CEPT1: variants seen among roughly 807,000 people sequenced by gnomAD.
CEPT1 encodes choline/ethanolaminephosphotransferase 1.
Under a neutral mutation model 42.6 loss-of-function variants are expected in CEPT1, and 7 were observed. The ratio of observed to expected loss-of-function variants is 0.16; its 90% CI spans 0.09 to 0.31. The LOEUF is 0.31. Among genes scored for constraint, CEPT1 ranks in the 10% least tolerant of loss-of-function variants. CEPT1 has a pLI of 1.00. For synonymous variants in CEPT1, 171 were observed against 171.9 expected, an observed-to-expected ratio of 0.99 and a Z score of 0.04; for missense variants, 306 against 502.1, an observed-to-expected ratio of 0.61 and a Z score of 3.73.
chr1:111,183,682 T>C (rs1266767780), intron 8 of CEPT1, 95 bp downstream of exon 8: 2 of 1,238,430 alleles, frequency 1.6e-6, no homozygotes, highest in Non-Finnish European at 1.1e-6. Context: ...ATCGTTCATA[T>C]AATTGTAATG....
chr1:111,155,985 A>G (rs1190839846), intron 2 of CEPT1, among the ~76,000 whole-genome samples: 1 of 151,932 alleles, frequency 6.6e-6, no homozygotes, highest in Non-Finnish European at 1.5e-5. Flanking sequence ...TTTGAGGTGC[A>G]TTATTACGTT....
At chr1:111,150,119 A>G (rs1254880225) in intron 2 of CEPT1, among the ~76,000 whole-genome samples, 1 of 152,204 alleles carries the variant, frequency 6.6e-6, no homozygotes, top group Non-Finnish European at 1.5e-5. Flanking sequence ...TACAATGGAG[A>G]TGCCTGGATG....
rs578230127 is a variant in CEPT1 at position 111,182,657 on chromosome 1, T to C, written c.847-142T>C. 242 of 724,760 alleles carry C rather than the reference T, an allele frequency of 3.3e-4. 1 individual carries two copies. The highest frequency in any genetic ancestry group is 2.8e-3 in the African/African-American group (154 of 55,206). The allele number at this position is 724,760 out of a possible 1,614,324, so 44.9% of individuals were successfully genotyped here. A position where few individuals can be genotyped will look rare whatever the true frequency, so the allele number is the denominator to read the frequency against. On this transcript the variant is annotated intron_variant, in intron 6 of 8. Coordinates refer to ENST00000357172, the MANE Select transcript of CEPT1 (RefSeq NM_006090.5). ...GCTACTTTTCATTAGCTCTTCTAGT[T>C]TGTGATTTATAGAAATTGCTGCCTA...
chr1:111,163,543 C>CA (rs1191108493), intron 4 of CEPT1, among the ~76,000 whole-genome samples: 2 of 151,668 alleles, frequency 1.3e-5, no homozygotes, highest in African/African-American at 4.8e-5. Context: ...ATAGAGGTTG[C>CA]AGTGAGCTGA....
intron 4 of CEPT1, among the ~76,000 whole-genome samples, chr1:111,169,774 C>T (rs1656330707): frequency 6.6e-6 from 1 of 152,134 alleles, no homozygotes; most frequent in Non-Finnish European, 1.5e-5. Flanking sequence ...GATTTATTAG[C>T]ATGTAAACTA....
At chr1:111,167,550 G>A (rs1057453967) in intron 4 of CEPT1, 3 of 932,728 alleles carry the variant, frequency 3.2e-6, no homozygotes, top group African/African-American at 3.6e-5. Context: ...AAAGCAAGCA[G>A]AGTTTTTCTT....
At position 111,184,414 on chromosome 1, in the gene CEPT1, A is replaced by G. The variant is rs935859506; in HGVS notation, c.*104A>G. ...GAACAAATATAATTTATAATAATCA[A>G]TGTTGTATAACTTTTATTCTTTATT... On this transcript the variant is annotated 3_prime_UTR_variant, in exon 9 of 9. Coordinates refer to ENST00000357172, the MANE Select transcript of CEPT1 (RefSeq NM_006090.5). The G allele has an allele frequency of 3.5e-5, 30 of 860,644 alleles. No individual in the cohort carries two copies. The African/African-American group carries it at 3.7e-4, about 11-fold the overall frequency. 53.3% of individuals were successfully genotyped at this position (860,644 alleles called of 1,614,324 possible).
chr1:111,184,060 T>C, intron 8 of CEPT1, 131 bp from the exon 9 acceptor site: 1 of 963,646 alleles, frequency 1.0e-6, no homozygotes, highest in Non-Finnish European at 1.6e-6. Context: ...GAAGGAAAGA[T>C]TGCAAGGAAA....
intron 1 of CEPT1, among the ~76,000 whole-genome samples, chr1:111,144,528 A>G (rs1181784092): frequency 2.0e-5 from 3 of 152,236 alleles, no homozygotes; most frequent in Non-Finnish European, 4.4e-5. Flanking sequence ...TAGAAGGTTA[A>G]AAAACAATCT....
At position 111,140,232 on chromosome 1, in the gene CEPT1, G is replaced by C. The variant is rs1418591339; in HGVS notation, c.-149G>C. On this transcript the variant is annotated 5_prime_UTR_variant, in exon 1 of 9. Coordinates refer to ENST00000357172, the MANE Select transcript of CEPT1 (RefSeq NM_006090.5). Reference sequence around the variant, plus strand: ...CGGCAATCGCGAAAGTGTCGTGAACGTGCTGCCGCCGATCAGTCACCCAGT... The same window carrying C: ...CGGCAATCGCGAAAGTGTCGTGAACCTGCTGCCGCCGATCAGTCACCCAGT... 2.6e-5 allele frequency: 4 copies of C among 152,314 alleles called. No homozygotes were observed. Among genetic ancestry groups the C allele is most frequent in the Non-Finnish European group, 5.9e-5 (4 of 68,116 alleles). 9.4% of individuals were successfully genotyped at this position (152,314 alleles called of 1,614,324 possible).
In CEPT1 at chr1:111,161,230, C is replaced by T. The variant is rs1372298822; in HGVS notation, c.563C>T (p.Ala188Val). Residue 188 changes from alanine (A) to valine (V), a missense_variant, in exon 4 of 9, where the codon GCG (alanine) becomes GTG (valine). By Grantham distance (64) the Ala-to-Val change is moderately conservative (BLOSUM62 0). Coordinates refer to ENST00000357172, the MANE Select transcript of CEPT1 (RefSeq NM_006090.5). ...NPDWMFFCCF[A>V]GTFMFYCAHW... ...GATTGGATGTTTTTTTGTTGTTTTGCGGGGACATTTATGTTCTATTGTGCG... is the reference window on the plus strand; with the variant it reads ...GATTGGATGTTTTTTTGTTGTTTTGTGGGGACATTTATGTTCTATTGTGCG... 4.3e-6 allele frequency: 7 copies of T among 1,613,668 alleles called. No individual in the cohort carries two copies. The highest frequency in any genetic ancestry group is 2.2e-5 in the East Asian group (1 of 44,860).
chr1:111,169,197 G>A (rs150057553), intron 4 of CEPT1, among the ~76,000 whole-genome samples: 6 of 152,258 alleles, frequency 3.9e-5, no homozygotes, highest in African/African-American at 9.6e-5. Context: ...AGAGAGGGCC[G>A]ACTGTACTAA....
At chr1:111,179,116 T>C (rs1025196727) in intron 5 of CEPT1, 5 of 152,174 alleles carry the variant, frequency 3.3e-5, no homozygotes, top group African/African-American at 9.7e-5. Flanking sequence ...AGAAAACTAG[T>C]CAAAATTTAC....
chr1:111,164,502 C>CT (rs1316138185), intron 4 of CEPT1, among the ~76,000 whole-genome samples: 16 of 152,116 alleles, frequency 1.1e-4, no homozygotes, highest in South Asian at 2.1e-4. Flanking sequence ...GCAAAATACT[C>CT]TTTAAGATAT....
intron 4 of CEPT1, among the ~76,000 whole-genome samples, chr1:111,166,425 A>G (rs1473277527): frequency 6.6e-6 from 1 of 152,226 alleles, no homozygotes; most frequent in African/African-American, 2.4e-5. Flanking sequence ...CCAATGTAGT[A>G]GAGTATTATA....
At position 111,184,334 on chromosome 1, in the gene CEPT1, A is replaced by G. The variant is rs373652470; in HGVS notation, c.*24A>G. ...AATGATGTAATTGGTATATAGGAAC[A>G]TCATGTTTTCTGCAGGAAAGAAAGT... On this transcript the variant is annotated 3_prime_UTR_variant, in exon 9 of 9. Coordinates refer to ENST00000357172, the MANE Select transcript of CEPT1 (RefSeq NM_006090.5). 9 of 1,585,452 alleles carry G rather than the reference A, an allele frequency of 5.7e-6. No homozygotes were observed. Among genetic ancestry groups the G allele is most frequent in the Non-Finnish European group, 7.7e-6 (9 of 1,162,412 alleles).
intron 5 of CEPT1, chr1:111,178,309 T>C (rs1237961364): frequency 6.6e-6 from 1 of 152,220 alleles, no homozygotes. Context: ...AGTGCAGATG[T>C]CTTCATAAGG....
At chr1:111,146,067 A>C (rs1427555027) in intron 1 of CEPT1, among the ~76,000 whole-genome samples, 1 of 150,118 alleles carries the variant, frequency 6.7e-6, no homozygotes, top group Non-Finnish European at 1.5e-5. Flanking sequence ...TTTTTGTTCT[A>C]TTAAGATTCT....
intron 6 of CEPT1, 119 bp downstream of exon 6, chr1:111,182,437 T>G: frequency 8.9e-7 from 1 of 1,119,964 alleles, no homozygotes; most frequent in South Asian, 1.5e-5. Context: ...TACTTAGCCT[T>G]TAAAGAAACT....
Sources: allele counts gnomAD v4.1 joint callset (sites outside exome capture counted in the v4.1 genomes callset), GRCh38; gene constraint gnomAD v4.1.1; transcripts MANE v1.5; gene names NCBI Gene and HGNC (gene_info 2026-07-23, HGNC 2026-07-21).